Variants in ACBD6 observed in about 807,000 individuals in gnomAD.
The protein encoded by ACBD6 is acyl-CoA binding domain containing 6.
In ACBD6, 28 loss-of-function variants were observed where a neutral mutation model predicts 37.2. The ratio of observed to expected loss-of-function variants is 0.75; its 90% CI spans 0.56 to 1.03. ACBD6 has a LOEUF of 1.03. ACBD6 is among the 50% of genes least tolerant of loss of function. The pLI is 0.00. For missense variants in ACBD6, 340 were observed against 337.4 expected, an observed-to-expected ratio of 1.01 and a Z score of -0.06; for synonymous variants, 113 against 126.8, an observed-to-expected ratio of 0.89 and a Z score of 0.73.
At chr1:180,362,551 TATG>T (rs1372346604) in intron 6 of ACBD6, among the ~76,000 whole-genome samples, 3 of 152,376 alleles carry the variant, frequency 2.0e-5, no homozygotes, top group Admixed American at 6.5e-5. Flanking sequence ...TATGTTCTTT[TATG>T]GAAACCCCAG....
chr1:180,388,701 A>G (rs952659778), intron 6 of ACBD6, among the ~76,000 whole-genome samples: 1 of 152,160 alleles, frequency 6.6e-6, no homozygotes, highest in African/African-American at 2.4e-5. Flanking sequence ...TTGGCCTTCC[A>G]AAGTGCTGGG....
At chr1:180,482,812 G>A (rs552284202) in intron 3 of ACBD6, among the ~76,000 whole-genome samples, 1 of 152,276 alleles carries the variant, frequency 6.6e-6, no homozygotes, top group African/African-American at 2.4e-5. Flanking sequence ...GAGGATTACA[G>A]AAACAGTCAC....
intron 4 of ACBD6, among the ~76,000 whole-genome samples, chr1:180,415,860 GAC>G (rs539689659): frequency 1.1e-3 from 174 of 152,202 alleles, no homozygotes; most frequent in African/African-American, 4.1e-3. Flanking sequence ...ATGTTTCTTA[GAC>G]ACATCAAATA....
intron 6 of ACBD6, among the ~76,000 whole-genome samples, chr1:180,367,371 CA>C (rs1387352313): frequency 6.6e-6 from 1 of 152,054 alleles, no homozygotes; most frequent in East Asian, 1.9e-4. Context: ...GAGGGGGATA[CA>C]TTTCTTTCCT....
At chr1:180,385,442 G>A (rs1653811838) in intron 6 of ACBD6, among the ~76,000 whole-genome samples, 1 of 149,584 alleles carries the variant, frequency 6.7e-6, no homozygotes, top group Non-Finnish European at 1.5e-5. Flanking sequence ...TAAGAGACAT[G>A]CCTTAAATAT....
intron 7 of ACBD6, among the ~76,000 whole-genome samples, chr1:180,303,875 G>A (rs931773391): frequency 6.6e-6 from 1 of 150,718 alleles, no homozygotes; most frequent in Non-Finnish European, 1.5e-5. Context: ...CTGGCAAACC[G>A]AATCCAGCAG....
At chr1:180,348,096 A>AGG (rs1652258546) in intron 6 of ACBD6, among the ~76,000 whole-genome samples, 1 of 152,224 alleles carries the variant, frequency 6.6e-6, no homozygotes, top group African/African-American at 2.4e-5. Flanking sequence ...TGCCTAGTGT[A>AGG]CTGTAGGCAG....
At chr1:180,463,314 T>G (rs1022374490) in intron 3 of ACBD6, among the ~76,000 whole-genome samples, 5 of 151,634 alleles carry the variant, frequency 3.3e-5, no homozygotes, top group Non-Finnish European at 5.9e-5. Context: ...TAAAATAGAC[T>G]GCTAGCTAGA....
At chr1:180,419,167 C>T (rs1648242884) in intron 4 of ACBD6, among the ~76,000 whole-genome samples, 1 of 152,184 alleles carries the variant, frequency 6.6e-6, no homozygotes, top group East Asian at 1.9e-4. Context: ...AGGAGAATGG[C>T]GTGAACCCAG....
intron 3 of ACBD6, among the ~76,000 whole-genome samples, chr1:180,446,048 G>A (rs1649459858): frequency 6.6e-6 from 1 of 152,034 alleles, no homozygotes. Flanking sequence ...TGTCACCCAG[G>A]CTGGAGTACA....
chr1:180,362,088 T>C (rs1652874931), intron 6 of ACBD6, among the ~76,000 whole-genome samples: 1 of 152,048 alleles, frequency 6.6e-6, no homozygotes, highest in South Asian at 2.1e-4. Context: ...TTAATCATAC[T>C]AAAATGAGAG....
intron 3 of ACBD6, among the ~76,000 whole-genome samples, chr1:180,457,793 G>GTTT (rs200745890): frequency 1.5e-5 from 2 of 136,610 alleles, no homozygotes; most frequent in Admixed American, 7.4e-5. Context: ...AAAATTAACT[G>GTTT]TTTTTTTTTT....
At chr1:180,314,656 C>A in intron 7 of ACBD6, 36 bp downstream of exon 7, 1 of 1,475,332 alleles carries the variant, frequency 6.8e-7, no homozygotes, top group South Asian at 1.1e-5. Flanking sequence ...AGAATATGTT[C>A]AAATATGATT....
chr1:180,430,185 G>A lies in ACBD6; in HGVS notation c.462C>T (p.Thr154=), dbSNP rs778866556. The part of the protein sequence containing the change: ...PVISSLYHEE[T]IREEDKNIFD... ...AAGATCAGAAGAGAAATTACCTGAT[G>A]GTTTCTTCATGATATAGAGAACTAA... The change falls in exon 4 of 8, where the codon ACC becomes ACT. Residue 154 remains threonine (T), a synonymous_variant. Transcript: ENST00000367595. 2 of 1,612,092 alleles carry A rather than the reference G, an allele frequency of 1.2e-6. No individual in the cohort carries two copies. The highest frequency in any genetic ancestry group is 1.7e-6 in the Non-Finnish European group (2 of 1,178,792).
chr1:180,301,170 C>G (rs2149283696), intron 7 of ACBD6, among the ~76,000 whole-genome samples: 1 of 152,228 alleles, frequency 6.6e-6, no homozygotes, highest in Admixed American at 6.5e-5. Flanking sequence ...TGTATATCTG[C>G]CTAGGTTTAG....
chr1:180,481,548 TGTTA>T (rs1651043267), intron 3 of ACBD6, among the ~76,000 whole-genome samples: 1 of 152,258 alleles, frequency 6.6e-6, no homozygotes, highest in African/African-American at 2.4e-5. Flanking sequence ...TCAGCAACAC[TGTTA>T]GTCTTTAACC....
chr1:180,442,342 T>C (rs12071353), intron 3 of ACBD6, among the ~76,000 whole-genome samples: 16,319 of 152,066 alleles, frequency 0.11, 1,282 homozygotes, highest in African/African-American at 0.21. Flanking sequence ...TCTGGGGCAA[T>C]TTTTTAGCTG....
At chr1:180,368,082 T>C (rs573360216) in intron 6 of ACBD6, among the ~76,000 whole-genome samples, 2 of 152,330 alleles carry the variant, frequency 1.3e-5, no homozygotes, top group African/African-American at 2.4e-5. Context: ...ATAATAGCTA[T>C]TCTGACTTGT....
chr1:180,382,419 T>C (rs1043652023), intron 6 of ACBD6, among the ~76,000 whole-genome samples: 1 of 152,028 alleles, frequency 6.6e-6, no homozygotes, highest in African/African-American at 2.4e-5. Context: ...GAGACAATTA[T>C]GAACAATTAC....
Sources: allele counts gnomAD v4.1 joint callset (sites outside exome capture counted in the v4.1 genomes callset), GRCh38; gene constraint gnomAD v4.1.1; transcripts MANE v1.5; gene names NCBI Gene and HGNC (gene_info 2026-07-23, HGNC 2026-07-21).